The following GPC5 variants were observed in gnomAD, a reference collection of about 807,000 sequenced individuals.
The protein encoded by GPC5 is glypican-5.
Under a neutral mutation model 53.9 loss-of-function variants are expected in GPC5, and 47 were observed. That is an observed-to-expected ratio of 0.87 (90% CI 0.69 to 1.11). GPC5 has a LOEUF of 1.11. GPC5 is among the 50% of genes most tolerant of loss of function. The pLI, the probability that GPC5 is intolerant of heterozygous loss-of-function variation, is 0.00. For synonymous variants in GPC5, 286 were observed against 263.3 expected (o/e 1.09, Z -0.84); for missense variants, 748 against 713.1 (o/e 1.05, Z -0.56).
intron 7 of GPC5, among the ~76,000 whole-genome samples, chr13:92,651,251 A>AG (rs1238476643): frequency 6.6e-6 from 1 of 151,744 alleles, no homozygotes; most frequent in Non-Finnish European, 1.5e-5. Context: ...TTGAAAAAAA[A>AG]ATAGAGTTAC....
chr13:91,449,063 C>A, intron 2 of GPC5, 141 bp downstream of exon 2: 1 of 947,006 alleles, frequency 1.1e-6, no homozygotes, highest in Non-Finnish European at 1.5e-6. Flanking sequence ...TTAACTTTTT[C>A]TAGCCTTCAA....
At chr13:92,596,281 T>G (rs1290035581) in intron 7 of GPC5, among the ~76,000 whole-genome samples, 1 of 152,042 alleles carries the variant, frequency 6.6e-6, no homozygotes, top group African/African-American at 2.4e-5. Context: ...GAAAGAAACG[T>G]TGCTAAGATG....
At chr13:91,516,756 T>C (rs1248480766) in intron 2 of GPC5, among the ~76,000 whole-genome samples, 1 of 152,178 alleles carries the variant, frequency 6.6e-6, no homozygotes, top group Non-Finnish European at 1.5e-5. Context: ...CCTGCCCCTG[T>C]AGCAAACTTT....
At chr13:91,813,274 A>C (rs748881687) in intron 5 of GPC5, among the ~76,000 whole-genome samples, 71 of 152,086 alleles carry the variant, frequency 4.7e-4, no homozygotes, top group Non-Finnish European at 9.9e-4. Flanking sequence ...CCTTTGCATT[A>C]CTTTGATGCA....
chr13:91,925,817 T>C (rs1419516138), intron 6 of GPC5, among the ~76,000 whole-genome samples: 1 of 152,180 alleles, frequency 6.6e-6, no homozygotes, highest in African/African-American at 2.4e-5. Context: ...TCTGATTTAG[T>C]CTCAGAGAAT....
chr13:92,615,741 A>G (rs1884660711), intron 7 of GPC5, among the ~76,000 whole-genome samples: 2 of 152,176 alleles, frequency 1.3e-5, no homozygotes, highest in Non-Finnish European at 2.9e-5. Flanking sequence ...ACATTTCCCA[A>G]ACTTTTTTGA....
chr13:91,657,379 A>T (rs1285231478), intron 2 of GPC5, among the ~76,000 whole-genome samples: 1 of 152,150 alleles, frequency 6.6e-6, no homozygotes. Flanking sequence ...AAAGAAAAAG[A>T]TTAGCCAGTA....
chr13:92,670,030 C>T (rs1886694633), intron 7 of GPC5, among the ~76,000 whole-genome samples: 1 of 152,144 alleles, frequency 6.6e-6, no homozygotes, highest in African/African-American at 2.4e-5. Flanking sequence ...AACATATAAA[C>T]TCCTAAAAAT....
chr13:92,626,585 A>G (rs892968144), intron 7 of GPC5, among the ~76,000 whole-genome samples: 2 of 152,156 alleles, frequency 1.3e-5, no homozygotes, highest in Admixed American at 1.3e-4. Flanking sequence ...TTTCGTAAAG[A>G]ACTGTCTACA....
At chr13:92,316,668 T>C (rs1181874123) in intron 7 of GPC5, among the ~76,000 whole-genome samples, 1 of 152,144 alleles carries the variant, frequency 6.6e-6, no homozygotes, top group Non-Finnish European at 1.5e-5. Flanking sequence ...AACAAAATTA[T>C]ATTCTTTCTA....
chr13:91,527,979 A>G (rs1037654616), intron 2 of GPC5, among the ~76,000 whole-genome samples: 3 of 152,078 alleles, frequency 2.0e-5, no homozygotes, highest in South Asian at 4.2e-4. Flanking sequence ...CCATGAAACA[A>G]TTTTTCCCTT....
chr13:92,609,667 G>A (rs1187794679), intron 7 of GPC5, among the ~76,000 whole-genome samples: 3 of 152,088 alleles, frequency 2.0e-5, no homozygotes, highest in Non-Finnish European at 2.9e-5. Flanking sequence ...AATGCATTTT[G>A]TTGATGCTTT....
At chr13:92,303,379 A>G (rs902268092) in intron 7 of GPC5, among the ~76,000 whole-genome samples, 1 of 152,208 alleles carries the variant, frequency 6.6e-6, no homozygotes, top group Non-Finnish European at 1.5e-5. Flanking sequence ...AGAATGTCTC[A>G]TTCTGAAATA....
At chr13:92,765,559 C>T (rs1164916867) in intron 7 of GPC5, among the ~76,000 whole-genome samples, 1 of 152,158 alleles carries the variant, frequency 6.6e-6, no homozygotes, top group African/African-American at 2.4e-5. Context: ...CCCCAATTCC[C>T]TCCAATGTAG....
intron 7 of GPC5, among the ~76,000 whole-genome samples, chr13:92,709,036 C>T (rs9523786): frequency 0.16 from 23,633 of 149,962 alleles, 2,135 homozygotes; most frequent in Non-Finnish European, 0.21. Flanking sequence ...GCACCCACCA[C>T]CATCTGGCTA....
At chr13:91,505,688 C>T (rs1005123044) in intron 2 of GPC5, among the ~76,000 whole-genome samples, 8 of 152,198 alleles carry the variant, frequency 5.3e-5, no homozygotes, top group African/African-American at 1.9e-4. Context: ...CTGCTGTTGT[C>T]ACTTCTCTGT....
At chr13:92,301,280 G>C (rs889352516) in intron 7 of GPC5, among the ~76,000 whole-genome samples, 8 of 152,138 alleles carry the variant, frequency 5.3e-5, no homozygotes, top group Non-Finnish European at 8.8e-5. Context: ...TAACATTCTT[G>C]AAGAGATGGA....
At chr13:92,094,779 C>A (rs1034212654) in intron 6 of GPC5, among the ~76,000 whole-genome samples, 2 of 151,614 alleles carry the variant, frequency 1.3e-5, no homozygotes, top group African/African-American at 2.4e-5. Flanking sequence ...GTTTCAAATT[C>A]TGTTATTTTA....
chr13:92,184,305 C>CA (rs1469341473), intron 7 of GPC5, among the ~76,000 whole-genome samples: 4 of 152,104 alleles, frequency 2.6e-5, no homozygotes, highest in African/African-American at 9.7e-5. Flanking sequence ...TAACCTCCTT[C>CA]AAAATCTATT....
Sources: allele counts gnomAD v4.1 joint callset (sites outside exome capture counted in the v4.1 genomes callset), GRCh38; gene constraint gnomAD v4.1.1; transcripts MANE v1.5; gene names NCBI Gene and HGNC (gene_info 2026-07-23, HGNC 2026-07-21).